ZNF227: variants seen among roughly 807,000 people sequenced by gnomAD.
ZNF227 encodes the protein zinc finger protein 227.
A neutral mutation model predicts 13.2 loss-of-function variants in ZNF227; 12 were observed. The ratio of observed to expected loss-of-function variants is 0.91; its 90% CI spans 0.58 to 1.47. ZNF227 has a LOEUF of 1.47. ZNF227 is among the 40% of genes most tolerant of loss of function. The probability of loss-of-function intolerance (pLI) is 0.00; values close to 1 mark genes in which losing one functional copy is unlikely to be tolerated. For synonymous variants in ZNF227, 338 were observed against 326.0 expected (o/e 1.04, Z -0.40); for missense variants, 885 against 967.5 (o/e 0.91, Z 1.13).
At chr19:44,225,502 T>G (rs1164519814) in intron 3 of ZNF227, among the ~76,000 whole-genome samples, 1 of 152,222 alleles carries the variant, frequency 6.6e-6, no homozygotes, top group East Asian at 1.9e-4. Context: ...CCGTTCTCGC[T>G]TCATTTCATT....
rs752244523 is a variant in ZNF227 at position 44,235,738 on chromosome 19, C to CA, written c.1310dup (p.Cys438ValfsTer2). The CA allele has an allele frequency of 6.2e-7, 1 of 1,612,450 alleles. No individual in the cohort carries two copies. The highest frequency in any genetic ancestry group is 1.1e-5 in the South Asian group (1 of 90,972). ...GAGTCCACACTGGAGAGAAACCCTA[C>CA]AAGTGTGATGTGTGTGGTAAGGGCT... On this transcript the variant is annotated frameshift_variant, in exon 6 of 6. Transcript: ENST00000313040. LOFTEE classifies it low-confidence loss of function (END_TRUNC).
In ZNF227 at chr19:44,236,177, A is replaced by G. The variant is rs1346435143; in HGVS notation, c.1747A>G (p.Lys583Glu). The G allele has an allele frequency of 1.2e-6, 2 of 1,614,116 alleles. No individual in the cohort carries two copies. Among genetic ancestry groups the G allele is most frequent in the South Asian group, 2.2e-5 (2 of 91,094 alleles). ...EKPYKCEECG[K>E]GFSWRSNLHA... is the part of the protein sequence containing the mutation. The stretch of plus-strand genomic sequence containing the variant: ...ACCATATAAATGTGAGGAATGTGGG[A>G]AGGGCTTCAGTTGGAGATCAAATCT... Residue 583 changes from lysine to glutamate, a missense_variant, in exon 6 of 6, where the codon AAG (lysine) becomes GAG (glutamate). Coordinates refer to ENST00000313040, the MANE Select transcript of ZNF227 (RefSeq NM_182490.3).
intron 2 of ZNF227, chr19:44,213,468 G>A (rs1971534980): frequency 6.6e-6 from 1 of 152,184 alleles, no homozygotes; most frequent in African/African-American, 2.4e-5. Flanking sequence ...AGTAGGTCTT[G>A]TTATTTTGTT....
chr19:44,215,778 A>G (rs957378007), intron 2 of ZNF227, among the ~76,000 whole-genome samples: 8 of 152,090 alleles, frequency 5.3e-5, no homozygotes, highest in Non-Finnish European at 1.2e-4. Context: ...ACCTGAAGTC[A>G]GGAGTTTGAG....
chr19:44,208,591 C>A (rs1238307938), upstream of ZNF227, among the ~76,000 whole-genome samples: 1 of 152,152 alleles, frequency 6.6e-6, no homozygotes, highest in Admixed American at 6.5e-5. Context: ...CACTAGGTTT[C>A]TTATGGAAAT....
At chr19:44,217,920 T>C in intron 3 of ZNF227, 68 bp downstream of exon 3, 1 of 1,578,038 alleles carries the variant, frequency 6.3e-7, no homozygotes, top group Admixed American at 1.7e-5. Context: ...GATTTATTTT[T>C]TCTCTTTCTT....
rs975822793 is a variant in ZNF227 at position 44,219,322 on chromosome 19, G to A, written c.60+1470G>A. 4.6e-5 allele frequency among the ~76,000 whole-genome samples: 7 copies of A among 152,238 alleles called. No homozygotes were observed. The East Asian group carries it at 1.4e-3, about 29-fold the overall frequency. On this transcript the variant is annotated intron_variant, in intron 3 of 5. Transcript: ENST00000313040. ...GCTCAAGCACAGTTTTTATGTAAGTGTTTTAAATTTCCCTACAGCAAAAGC... is the reference window on the plus strand; with the variant it reads ...GCTCAAGCACAGTTTTTATGTAAGTATTTTAAATTTCCCTACAGCAAAAGC...
At chr19:44,215,792 A>G (rs374726560) in intron 2 of ZNF227, among the ~76,000 whole-genome samples, 15 of 152,156 alleles carry the variant, frequency 9.9e-5, no homozygotes, top group African/African-American at 3.4e-4. Context: ...GTTTGAGACC[A>G]GCCTGGCCAG....
upstream of ZNF227, among the ~76,000 whole-genome samples, chr19:44,209,579 T>G (rs1971291235): frequency 2.6e-5 from 4 of 152,086 alleles, no homozygotes; most frequent in Non-Finnish European, 5.9e-5. Context: ...ATTTATTTAT[T>G]TATTCATTTT....
intron 2 of ZNF227, among the ~76,000 whole-genome samples, chr19:44,213,935 G>C (rs1415255646): frequency 6.6e-6 from 1 of 152,200 alleles, no homozygotes; most frequent in Non-Finnish European, 1.5e-5. Flanking sequence ...GTAGCTATAA[G>C]CCATGTGTGC....
chr19:44,236,389 C>T lies in ZNF227; in HGVS notation c.1959C>T (p.Val653=), dbSNP rs1401931460. ...QSSGLQSHQR[V]HTGEKPYKCD... is the part of the protein sequence containing the mutation. ...CTGGTCTTCAATCCCATCAGAGAGT[C>T]CACACGGGGGAAAAGCCATACAAAT... The change falls in exon 6 of 6, where the codon GTC becomes GTT. Residue 653 remains valine (V), a synonymous_variant. Transcript: ENST00000313040. The T allele has an allele frequency of 6.2e-7, 1 of 1,613,914 alleles. No homozygotes were observed. The highest frequency in any genetic ancestry group is 8.5e-7 in the Non-Finnish European group (1 of 1,180,004).
At chr19:44,222,950 T>C (rs1972709923) in intron 3 of ZNF227, among the ~76,000 whole-genome samples, 1 of 151,510 alleles carries the variant, frequency 6.6e-6, no homozygotes, top group Non-Finnish European at 1.5e-5. Context: ...CAATACCTAA[T>C]TTATTGAGAG....
chr19:44,233,266 A>G (rs532452394), intron 5 of ZNF227, among the ~76,000 whole-genome samples: 2 of 152,262 alleles, frequency 1.3e-5, no homozygotes, highest in East Asian at 3.9e-4. Context: ...AAGCATAAAT[A>G]TGTTTATATT....
upstream of ZNF227, among the ~76,000 whole-genome samples, chr19:44,210,911 G>T (rs1168552960): frequency 6.6e-6 from 1 of 152,104 alleles, no homozygotes; most frequent in Non-Finnish European, 1.5e-5. Flanking sequence ...TTGTGAAAAT[G>T]GGCTAAGTGT....
At chr19:44,231,873 G>A (rs912879448) in intron 5 of ZNF227, among the ~76,000 whole-genome samples, 2 of 152,204 alleles carry the variant, frequency 1.3e-5, no homozygotes, top group African/African-American at 4.8e-5. Context: ...ACAGTTGTTG[G>A]AATGTAGAAC....
rs142834933 is a variant in ZNF227 at position 44,226,630 on chromosome 19, C to T, written c.61-1816C>T. On this transcript the variant is annotated intron_variant, in intron 3 of 5. Transcript: ENST00000313040. ...CCGTTTTTTAAGTCCATTGGAAAAG[C>T]GCAGTATTAGGGTGGGAGTGACCTG... Among the ~76,000 whole-genome samples the T allele has an allele frequency of 6.6e-4, 100 of 152,260 alleles. No individual in the cohort carries two copies. In the East Asian group the frequency reaches 0.014, roughly 22 times the overall value.
chr19:44,229,334 G>A (rs761734016), intron 4 of ZNF227, among the ~76,000 whole-genome samples: 14 of 152,156 alleles, frequency 9.2e-5, no homozygotes, highest in Non-Finnish European at 1.5e-4. Flanking sequence ...TCTAGAGGCC[G>A]GGCATGGTGG....
intron 5 of ZNF227, among the ~76,000 whole-genome samples, chr19:44,232,675 T>G (rs1973967780): frequency 1.3e-5 from 2 of 151,768 alleles, no homozygotes; most frequent in African/African-American, 4.8e-5. Flanking sequence ...TTTTTTTGTT[T>G]TTTTTTTTTG....
At chr19:44,223,007 A>T (rs1972717475) in intron 3 of ZNF227, among the ~76,000 whole-genome samples, 1 of 152,130 alleles carries the variant, frequency 6.6e-6, no homozygotes, top group South Asian at 2.1e-4. Context: ...CCTTTTCTGC[A>T]TCTATTGAGA....
Sources: gnomAD v4.1 joint callset for allele counts (sites outside exome capture counted in the v4.1 genomes callset) on GRCh38, gnomAD v4.1.1 for gene constraint, MANE v1.5 for transcripts, NCBI Gene and HGNC (gene_info 2026-07-23, HGNC 2026-07-21) for gene names.